Variants in MOSPD2 observed in about 807,000 individuals in gnomAD.
MOSPD2 encodes the protein motile sperm domain containing 2.
In MOSPD2, 5 loss-of-function variants were observed where a neutral mutation model predicts 41.7. The ratio of observed to expected loss-of-function variants is 0.12; its 90% CI spans 0.06 to 0.25. The LOEUF is 0.25. Among genes scored for constraint, MOSPD2 ranks in the 10% least tolerant of loss-of-function variants. The pLI is 1.00. For synonymous variants in MOSPD2, 115 were observed against 126.9 expected, an observed-to-expected ratio of 0.91 and a Z score of 0.63; for missense variants, 282 against 375.2, an observed-to-expected ratio of 0.75 and a Z score of 2.05.
At position 14,920,898 on chromosome X, in the gene MOSPD2, C is replaced by T. The variant is rs1347539130; in HGVS notation, c.*1089C>T. The T allele has an allele frequency of 4.0e-6, 3 of 751,864 alleles. No homozygotes were observed. Among genetic ancestry groups the T allele is most frequent in the Non-Finnish European group, 4.7e-6 (3 of 638,822 alleles). 62.0% of individuals were successfully genotyped at this position (751,864 alleles called of 1,213,427 possible). On this transcript the variant is annotated 3_prime_UTR_variant, in exon 15 of 15. Coordinates refer to ENST00000380492, the MANE Select transcript of MOSPD2 (RefSeq NM_152581.4). The stretch of plus-strand genomic sequence containing the variant: ...AAACAAAAAAAAATAAAAAGAAACA[C>T]AGACGCCCAGGTGTCAGCTCTCCGT...
intron 3 of MOSPD2, among the ~76,000 whole-genome samples, chrX:14,894,316 ATT>A (rs759189386): frequency 0.045 from 3,004 of 66,453 alleles, 52 homozygotes; most frequent in African/African-American, 0.077. Flanking sequence ...TTATTGATTG[ATT>A]TTTTTTTTTT....
At chrX:14,896,049 C>CT (rs1031579855) in intron 4 of MOSPD2, among the ~76,000 whole-genome samples, 2 of 111,156 alleles carry the variant, frequency 1.8e-5, no homozygotes, top group African/African-American at 3.3e-5. Context: ...CCTTTTCAAC[C>CT]TTTTTTTTCT....
intron 2 of MOSPD2, among the ~76,000 whole-genome samples, chrX:14,881,395 G>GA (rs1326998504): frequency 2.7e-5 from 3 of 111,356 alleles, no homozygotes; most frequent in African/African-American, 9.8e-5. Flanking sequence ...GCAGTAAATG[G>GA]AAAAAACTCC....
At chrX:14,881,248 A>C (rs1297630603) in intron 2 of MOSPD2, among the ~76,000 whole-genome samples, 3 of 106,190 alleles carry the variant, frequency 2.8e-5, no homozygotes, top group Non-Finnish European at 5.8e-5. Context: ...TTTTTTTTTT[A>C]ATTAAGCAAT....
Position 14,914,503 on chromosome X carries a change from C to T in MOSPD2, c.993C>T (p.Ser331=). The T allele has an allele frequency of 3.4e-6, 4 of 1,168,219 alleles. No individual in the cohort carries two copies. The highest frequency in any genetic ancestry group is 4.6e-6 in the Non-Finnish European group (4 of 864,069). ...GTCTTATGTTTTTGTCACTCCCTAG[C>T]CCAGCAGAAGAACTGTACTTTGGAA... The part of the protein sequence containing the change: ...SVFKGPLLHI[S]PAEELYFGST... The change falls in exon 11 of 15, where the codon AGC becomes AGT. Residue 331 remains serine, a splice_region_variant and synonymous_variant. Coordinates refer to ENST00000380492, the MANE Select transcript of MOSPD2 (RefSeq NM_152581.4).
chrX:14,883,883 A>C (rs1415447943), intron 2 of MOSPD2, among the ~76,000 whole-genome samples: 1 of 112,148 alleles, frequency 8.9e-6, no homozygotes, highest in Non-Finnish European at 1.9e-5. Flanking sequence ...AGATTAAAGA[A>C]CCATAAGAAA....
In MOSPD2 at chrX:14,919,955, A is replaced by G. The variant is rs2092606716; in HGVS notation, c.*146A>G. ...GCAGCACGTGGAGGGGAACACATAC[A>G]TGTCTTGAAAATAAACTGCTAGAAT... On this transcript the variant is annotated 3_prime_UTR_variant, in exon 15 of 15. Transcript: ENST00000380492. 2 of 1,033,524 alleles carry G rather than the reference A, an allele frequency of 1.9e-6. No homozygotes were observed. The highest frequency in any genetic ancestry group is 1.2e-6 in the Non-Finnish European group (1 of 810,723). 85.2% of individuals were successfully genotyped at this position (1,033,524 alleles called of 1,213,427 possible).
chrX:14,902,825 A>C, intron 6 of MOSPD2, 141 bp from the exon 7 acceptor site: 1 of 481,143 alleles, frequency 2.1e-6, no homozygotes, highest in Non-Finnish European at 3.7e-6. Flanking sequence ...TCATGATACT[A>C]TACACTTCAC....
intron 7 of MOSPD2, among the ~76,000 whole-genome samples, chrX:14,906,074 A>G (rs1454835810): frequency 9.0e-6 from 1 of 111,514 alleles, no homozygotes; most frequent in African/African-American, 3.3e-5. Flanking sequence ...TTTTGCAGAA[A>G]TGGATATGTT....
At chrX:14,912,486 T>C (rs1454574504) in intron 10 of MOSPD2, 125 bp downstream of exon 10, 2 of 414,965 alleles carry the variant, frequency 4.8e-6, no homozygotes, top group Non-Finnish European at 7.8e-6. Context: ...CCAAGAGTTA[T>C]CTGAAGACTT....
chrX:14,909,938 G>T (rs1479955360), intron 8 of MOSPD2, among the ~76,000 whole-genome samples: 4 of 110,062 alleles, frequency 3.6e-5, no homozygotes, highest in African/African-American at 9.9e-5. Flanking sequence ...TTTAAAATGT[G>T]ATTTTATTTA....
At chrX:14,895,451 T>C (rs998741217) in intron 4 of MOSPD2, 57 bp downstream of exon 4, 4 of 687,410 alleles carry the variant, frequency 5.8e-6, no homozygotes, top group Non-Finnish European at 9.2e-6. Context: ...GAGATATCTA[T>C]GTCAACTGAA....
chrX:14,888,762 G>GGT (rs746762577), intron 2 of MOSPD2, among the ~76,000 whole-genome samples: 5,824 of 105,909 alleles, frequency 0.055, 348 homozygotes, highest in African/African-American at 0.17. Flanking sequence ...ATGTCCTAGG[G>GGT]GTGTGTGTGT....
intron 2 of MOSPD2, among the ~76,000 whole-genome samples, chrX:14,891,567 T>A (rs1222616758): frequency 9.4e-6 from 1 of 106,870 alleles, no homozygotes; most frequent in South Asian, 4.0e-4. Context: ...ATATTTAATT[T>A]ATTTATTTAT....
chrX:14,874,814 T>G (rs1021697353), intron 2 of MOSPD2, among the ~76,000 whole-genome samples: 2 of 112,000 alleles, frequency 1.8e-5, no homozygotes, highest in Non-Finnish European at 3.8e-5. Flanking sequence ...GCCAATTTTC[T>G]TCACACCCCA....
chrX:14,914,508 C>G lies in MOSPD2; in HGVS notation c.998C>G (p.Ala333Gly). ...FKGPLLHISP[A>G]EELYFGSTES... ...ATGTTTTTGTCACTCCCTAGCCCAG[C>G]AGAAGAACTGTACTTTGGAAGTACA... is the stretch of plus-strand genomic sequence containing the variant. The change falls in exon 11 of 15, where the codon GCA becomes GGA. Residue 333 changes from alanine to glycine, a missense_variant. Ala to Gly is a moderately conservative substitution (Grantham distance 60). Transcript: ENST00000380492. The G allele has an allele frequency of 8.5e-7, 1 of 1,175,389 alleles. No individual in the cohort carries two copies. The highest frequency in any genetic ancestry group is 1.1e-6 in the Non-Finnish European group (1 of 870,301).
At chrX:14,908,068 A>G (rs1366844860) in intron 7 of MOSPD2, among the ~76,000 whole-genome samples, 3 of 111,782 alleles carry the variant, frequency 2.7e-5, no homozygotes, top group African/African-American at 9.7e-5. Context: ...CAGTTTTGCA[A>G]ATTTAATGCA....
intron 2 of MOSPD2, among the ~76,000 whole-genome samples, chrX:14,881,096 G>T (rs2092530543): frequency 9.0e-6 from 1 of 111,144 alleles, no homozygotes; most frequent in Admixed American, 9.5e-5. Flanking sequence ...CTACTATTTT[G>T]ATTTACCCTT....
At chrX:14,873,795 A>C (rs762615200) in intron 2 of MOSPD2, 37 bp downstream of exon 2, 3 of 1,103,829 alleles carry the variant, frequency 2.7e-6, no homozygotes, top group Non-Finnish European at 3.8e-6. Context: ...AAAGGTGTGC[A>C]GTGAGCATCC....
Sources: gnomAD v4.1 joint callset for allele counts (sites outside exome capture counted in the v4.1 genomes callset) on GRCh38, gnomAD v4.1.1 for gene constraint, MANE v1.5 for transcripts, NCBI Gene and HGNC (gene_info 2026-07-23, HGNC 2026-07-21) for gene names.